Variants in ARHGAP28 observed in about 807,000 individuals in gnomAD.
ARHGAP28 encodes the protein Rho GTPase activating protein 28.
ARHGAP28 carries 56 observed loss-of-function variants against 90.7 expected under a neutral mutation model. That is an observed-to-expected ratio of 0.62 (90% CI 0.50 to 0.77). The LOEUF (loss-of-function observed/expected upper bound fraction) is 0.77. Ranked by LOEUF, ARHGAP28 falls within the 30% of genes least tolerant of loss-of-function variation. ARHGAP28 has a pLI of 0.00. For synonymous variants in ARHGAP28, 308 were observed against 323.3 expected (o/e 0.95, Z 0.51); for missense variants, 869 against 900.9 (o/e 0.96, Z 0.45).
At chr18:6,831,324 G>T (rs1287567490) in intron 2 of ARHGAP28, among the ~76,000 whole-genome samples, 1 of 151,746 alleles carries the variant, frequency 6.6e-6, no homozygotes, top group Non-Finnish European at 1.5e-5. Flanking sequence ...CAAGTCCTTT[G>T]TCAGATATAT....
intron 14 of ARHGAP28, among the ~76,000 whole-genome samples, chr18:6,891,831 G>A (rs1402123798): frequency 1.3e-5 from 2 of 152,090 alleles, no homozygotes; most frequent in Non-Finnish European, 2.9e-5. Context: ...GGCCTCAAGC[G>A]ACCCTTCCAC....
At chr18:6,806,790 G>A (rs79631097) in intron 1 of ARHGAP28, among the ~76,000 whole-genome samples, 30,843 of 151,638 alleles carry the variant, frequency 0.2, 3,749 homozygotes, top group African/African-American at 0.33. Flanking sequence ...CATTTCTTAT[G>A]GGGAAGATCT....
At chr18:6,896,445 T>C (rs2057305102) in intron 15 of ARHGAP28, 57 bp from the exon 16 acceptor site, 8 of 1,599,190 alleles carry the variant, frequency 5.0e-6, no homozygotes, top group African/African-American at 1.3e-5. Context: ...AAGTGCATCA[T>C]TGAGCCGATA....
At chr18:6,739,386 A>G (rs1050331975) in intron 1 of ARHGAP28, among the ~76,000 whole-genome samples, 2 of 152,076 alleles carry the variant, frequency 1.3e-5, no homozygotes, top group Non-Finnish European at 2.9e-5. Flanking sequence ...ATGAATGGAT[A>G]TATGAAATTG....
At chr18:6,885,553 T>C (rs189746659) in intron 11 of ARHGAP28, among the ~76,000 whole-genome samples, 42 of 152,310 alleles carry the variant, frequency 2.8e-4, no homozygotes, top group African/African-American at 9.6e-4. Flanking sequence ...ATTACATGCT[T>C]AATAACTTTC....
intron 2 of ARHGAP28, among the ~76,000 whole-genome samples, chr18:6,828,252 C>G (rs971569987): frequency 7.9e-5 from 12 of 152,132 alleles, no homozygotes; most frequent in African/African-American, 2.2e-4. Flanking sequence ...TCGGCAGGCC[C>G]AGGCAGGAGA....
At chr18:6,796,128 T>C (rs1048447279) in intron 1 of ARHGAP28, among the ~76,000 whole-genome samples, 1 of 152,212 alleles carries the variant, frequency 6.6e-6, no homozygotes, top group African/African-American at 2.4e-5. Flanking sequence ...CCCAGGAACG[T>C]ACCAAGAGAA....
rs766775848 is a variant in ARHGAP28 at position 6,888,771 on chromosome 18, G to A, written c.1537-1117G>A. ...ACAAAAGGTCCCCCCAGAACATCAC[G>A]GGACTGGTGAGGATGTTACACACAT... On this transcript the variant is annotated intron_variant, in intron 12 of 17. Coordinates refer to ENST00000383472, the MANE Select transcript of ARHGAP28 (RefSeq NM_001366230.1). Among the ~76,000 whole-genome samples, 25 of 152,050 alleles carry A rather than the reference G, an allele frequency of 1.6e-4. 1 individual carries two copies. The highest frequency in any genetic ancestry group is 5.8e-4 in the East Asian group (3 of 5,196).
intron 1 of ARHGAP28, among the ~76,000 whole-genome samples, chr18:6,767,915 C>T (rs982043779): frequency 6.6e-6 from 1 of 152,136 alleles, no homozygotes; most frequent in African/African-American, 2.4e-5. Context: ...GTCCCAATCC[C>T]CATCCTAGCA....
At position 6,889,969 on chromosome 18, in the gene ARHGAP28, G is replaced by A. The variant is rs771040905; in HGVS notation, c.1618G>A (p.Ala540Thr). The change falls in exon 13 of 18, where the codon GCA becomes ACA. Residue 540 changes from alanine (A) to threonine (T), a missense_variant. Coordinates refer to ENST00000383472, the MANE Select transcript of ARHGAP28 (RefSeq NM_001366230.1). The stretch of plus-strand genomic sequence containing the variant: ...TCTGTGGAACATTTCTACAGTGATG[G>A]CACCAAACCTTTTCTTCAGTAGAAG... Reference protein sequence around the residue: ...MSLWNISTVMAPNLFFSRSKH... With the variant: ...MSLWNISTVMTPNLFFSRSKH... The A allele has an allele frequency of 6.2e-7, 1 of 1,614,150 alleles. No individual in the cohort carries two copies. The highest frequency in any genetic ancestry group is 1.7e-5 in the Admixed American group (1 of 60,022).
intron 11 of ARHGAP28, among the ~76,000 whole-genome samples, chr18:6,886,394 T>G (rs1260421530): frequency 6.6e-6 from 1 of 152,152 alleles, no homozygotes; most frequent in Non-Finnish European, 1.5e-5. Context: ...CAGCTGTGGA[T>G]GGAATCCCTG....
chr18:6,738,214 T>G (rs2055945114), intron 1 of ARHGAP28, among the ~76,000 whole-genome samples: 1 of 152,218 alleles, frequency 6.6e-6, no homozygotes, highest in Non-Finnish European at 1.5e-5. Context: ...GTTTGGGTAC[T>G]GATTATCTTT....
At chr18:6,796,554 T>C (rs1292655336) in intron 1 of ARHGAP28, among the ~76,000 whole-genome samples, 1 of 152,158 alleles carries the variant, frequency 6.6e-6, no homozygotes, top group African/African-American at 2.4e-5. Flanking sequence ...TACATTGTCA[T>C]ACAGGCTACG....
At position 6,915,320 on chromosome 18, in the gene ARHGAP28, T is replaced by C. The variant is rs1332547526; in HGVS notation, c.*3166T>C. 6.6e-6 allele frequency: 1 copy of C among 152,248 alleles called. No individual in the cohort carries two copies. Among genetic ancestry groups the C allele is most frequent in the Non-Finnish European group, 1.5e-5 (1 of 68,044 alleles). 9.4% of individuals were successfully genotyped at this position (152,248 alleles called of 1,614,324 possible). Reference sequence around the variant, plus strand: ...CTCATATGAGTTAAAATGTCCCTTCTTCCTAGCGAGCATATTTCAACTGTT... The same window carrying C: ...CTCATATGAGTTAAAATGTCCCTTCCTCCTAGCGAGCATATTTCAACTGTT... On this transcript the variant is annotated 3_prime_UTR_variant, in exon 18 of 18. Transcript: ENST00000383472.
At chr18:6,837,464 ATGGGGTAGGGTGGGGC>A in intron 3 of ARHGAP28, 50 bp downstream of exon 3, 2 of 637,988 alleles carry the variant, frequency 3.1e-6, no homozygotes, top group Non-Finnish European at 5.8e-6. Flanking sequence ...TTGACTGGGG[ATGGGGTAGGGTGGGGC>A]TGGGGTGGAA....
At chr18:6,872,511 T>A (rs2057097934) in intron 7 of ARHGAP28, among the ~76,000 whole-genome samples, 1 of 152,240 alleles carries the variant, frequency 6.6e-6, no homozygotes, top group African/African-American at 2.4e-5. Context: ...CTATGGAAAA[T>A]GTGAACTTAA....
intron 3 of ARHGAP28, among the ~76,000 whole-genome samples, chr18:6,841,203 C>CTCCTCTCTCTCTCTCTCTCTCTCTCT (rs754874496): frequency 2.4e-5 from 1 of 41,972 alleles, no homozygotes; most frequent in Non-Finnish European, 4.2e-5. Context: ...CTCTCTCTCT[C>CTCCTCTCTCTCTCTCTCTCTCTCTCT]CTCTCCTCTC....
chr18:6,871,142 T>C (rs1038433848), intron 7 of ARHGAP28, among the ~76,000 whole-genome samples: 1 of 152,194 alleles, frequency 6.6e-6, no homozygotes, highest in African/African-American at 2.4e-5. Context: ...CACGGGGATT[T>C]CAGCGGCCAG....
intron 1 of ARHGAP28, among the ~76,000 whole-genome samples, chr18:6,742,628 T>C (rs1312878760): frequency 2.6e-5 from 4 of 152,180 alleles, no homozygotes; most frequent in Non-Finnish European, 4.4e-5. Flanking sequence ...GACAGGTGGC[T>C]ATACAAGTTG....
Sources: allele counts gnomAD v4.1 joint callset (sites outside exome capture counted in the v4.1 genomes callset), GRCh38; gene constraint gnomAD v4.1.1; transcripts MANE v1.5; gene names NCBI Gene and HGNC (gene_info 2026-07-23, HGNC 2026-07-21).